C18orf63: variants seen among roughly 807,000 people sequenced by gnomAD.
C18orf63 encodes the protein chromosome 18 open reading frame 63, also known as uncharacterized protein C18orf63.
C18orf63 carries 50 observed loss-of-function variants against 75.3 expected under a neutral mutation model. The observed-to-expected ratio is 0.66, with a 90% CI of 0.53 to 0.84. The LOEUF is 0.84. Among genes scored for constraint, C18orf63 ranks in the 40% least tolerant of loss-of-function variants. The pLI, the probability that C18orf63 is intolerant of heterozygous loss-of-function variation, is 0.00. For missense variants in C18orf63, 732 were observed against 800.2 expected, an observed-to-expected ratio of 0.91 and a Z score of 1.03; for synonymous variants, 232 against 267.6, an observed-to-expected ratio of 0.87 and a Z score of 1.30.
chr18:74,339,653 C>T lies in C18orf63; in HGVS notation c.611+829C>T, dbSNP rs1984447417. On this transcript the variant is annotated intron_variant, in intron 8 of 13. Transcript: ENST00000579455. Reference sequence around the variant, plus strand: ...AGAAGTCCTAGCTAGAGCAGTTAGACAAGAGAAAGAAATAAAAGGCATCCA... The same window carrying T: ...AGAAGTCCTAGCTAGAGCAGTTAGATAAGAGAAAGAAATAAAAGGCATCCA... 2.6e-5 allele frequency among the ~76,000 whole-genome samples: 4 copies of T among 151,914 alleles called. No homozygotes were observed. The South Asian group carries it at 8.3e-4, about 32-fold the overall frequency.
chr18:74,328,212 G>A (rs368093474), intron 5 of C18orf63, among the ~76,000 whole-genome samples, 154 bp downstream of exon 5: 1 of 152,186 alleles, frequency 6.6e-6, no homozygotes, highest in African/African-American at 2.4e-5. Flanking sequence ...CACATGGCTG[G>A]AGAGGCCTCA....
At position 74,353,544 on chromosome 18, in the gene C18orf63, G is replaced by T; in HGVS notation, c.1277G>T (p.Ser426Ile). 6.5e-7 allele frequency: 1 copy of T among 1,536,570 alleles called. No individual in the cohort carries two copies. The highest frequency in any genetic ancestry group is 1.2e-5 in the South Asian group (1 of 84,056). Residue 426 changes from serine (S) to isoleucine (I), a missense_variant, in exon 12 of 14, where the codon AGC becomes ATC. Ser to Ile is a moderately radical substitution (Grantham distance 142, BLOSUM62 -2). Around this residue, in one of 3 missense-constraint regions of C18orf63, gnomAD observed 495 missense variants for 508.7 expected, o/e 0.97. Transcript: ENST00000579455. ...GNTQVQHTNL[S>I]SQSNITPKFV... is the part of the protein sequence containing the mutation. Reference sequence around the variant, plus strand: ...ACTCAAGTTCAGCACACAAATCTTAGCTCCCAAAGCAACATCACCCCTAAG... The same window carrying T: ...ACTCAAGTTCAGCACACAAATCTTATCTCCCAAAGCAACATCACCCCTAAG...
chr18:74,354,047 C>A lies in C18orf63; in HGVS notation c.1780C>A (p.Pro594Thr), dbSNP rs923985737. Residue 594 changes from proline (P) to threonine (T), a missense_variant, in exon 12 of 14, where the codon CCA becomes ACA. Pro to Thr is a conservative substitution (Grantham distance 38). Around this residue, in one of 3 missense-constraint regions of C18orf63, gnomAD observed 495 missense variants for 508.7 expected, o/e 0.97. Transcript: ENST00000579455. Reference sequence around the variant, plus strand: ...TGGGTCACTAAAACTGAAAAGACAGCCACACATTTTTGAATCAGATGGAGA... The same window carrying A: ...TGGGTCACTAAAACTGAAAAGACAGACACACATTTTTGAATCAGATGGAGA... ...SHGSLKLKRQ[P>T]HIFESDGETE... 7 of 1,536,132 alleles carry A rather than the reference C, an allele frequency of 4.6e-6. No individual in the cohort carries two copies. The African/African-American group carries it at 9.6e-5, about 21-fold the overall frequency.
Position 74,343,537 on chromosome 18 carries a change from C to T in C18orf63, c.813C>T (p.Ile271=). 2.0e-6 allele frequency: 3 copies of T among 1,529,892 alleles called. No homozygotes were observed. The South Asian group carries it at 3.6e-5, about 19-fold the overall frequency. 94.8% of individuals were successfully genotyped at this position (1,529,892 alleles called of 1,614,324 possible). A position where few individuals can be genotyped will look rare whatever the true frequency, so the allele number is the denominator to read the frequency against. ...ERTFTYPLSC[I]RSQPMQFFPR... ...TGTTCAGATATCCTCTCAGTTGCAT[C>T]AGAAGTCAGCCCATGCAGTTCTTTC... Residue 271 remains isoleucine (I), a synonymous_variant, in exon 11 of 14, where the codon ATC becomes ATT. Coordinates refer to ENST00000579455, the MANE Select transcript of C18orf63 (RefSeq NM_001174123.2).
In C18orf63 at chr18:74,358,494, G is replaced by A. The variant is rs1466740882; in HGVS notation, c.*2047G>A. 1 of 151,982 alleles carries A rather than the reference G, an allele frequency of 6.6e-6. No homozygotes were observed. Among genetic ancestry groups the A allele is most frequent in the Non-Finnish European group, 1.5e-5 (1 of 67,966 alleles). The allele number at this position is 151,982 out of a possible 1,614,324, so 9.4% of individuals were successfully genotyped here. A position where few individuals can be genotyped will look rare whatever the true frequency, so the allele number is the denominator to read the frequency against. On this transcript the variant is annotated 3_prime_UTR_variant, in exon 14 of 14. Coordinates refer to ENST00000579455, the MANE Select transcript of C18orf63 (RefSeq NM_001174123.2). ...ACCAGAGAAATCAATTAAGATTTTG[G>A]TTCATTTTAAACATTGCAATTTTTG...
intron 7 of C18orf63, 45 bp from the exon 8 acceptor site, chr18:74,338,670 T>C: frequency 1.2e-6 from 1 of 803,048 alleles, no homozygotes; most frequent in Non-Finnish European, 1.8e-6. Context: ...GTTTCCTTTT[T>C]TGCCAAATGA....
At chr18:74,332,031 G>A (rs1237798407) in intron 7 of C18orf63, among the ~76,000 whole-genome samples, 1 of 152,064 alleles carries the variant, frequency 6.6e-6, no homozygotes, top group African/African-American at 2.4e-5. Flanking sequence ...CCTTCCCAAG[G>A]TTCCAAACCG....
rs139847614 is a variant in C18orf63 at position 74,319,016 on chromosome 18, T to A, written c.134+1017T>A. 4.8e-4 allele frequency among the ~76,000 whole-genome samples: 73 copies of A among 152,290 alleles called. No individual in the cohort carries two copies. The East Asian group carries it at 0.012, about 24-fold the overall frequency. The stretch of plus-strand genomic sequence containing the variant: ...ACTTTTGGGGTGTCCTTCATTTTCG[T>A]CTTATTTACAAAGTTTTTCTTCTCT... On this transcript the variant is annotated intron_variant, in intron 2 of 13. Transcript: ENST00000579455.
Position 74,342,239 on chromosome 18 carries a change from A to C in C18orf63, c.709-2A>C. 2.0e-6 allele frequency: 3 copies of C among 1,519,006 alleles called. No individual in the cohort carries two copies. Among genetic ancestry groups the C allele is most frequent in the Non-Finnish European group, 2.7e-6 (3 of 1,131,690 alleles). The allele number at this position is 1,519,006 out of a possible 1,614,324, so 94.1% of individuals were successfully genotyped here. On this transcript the variant is annotated splice_acceptor_variant, in intron 9 of 13. Transcript: ENST00000579455. LOFTEE classifies it high-confidence loss of function. ...ATTTAAAATTTTGTGCTTAATTTTT[A>C]GTATGGCTATAAACTTCCAGGTGAT... is the stretch of plus-strand genomic sequence containing the variant.
intron 11 of C18orf63, among the ~76,000 whole-genome samples, chr18:74,345,086 T>C (rs1984550836): frequency 6.6e-6 from 1 of 152,148 alleles, no homozygotes; most frequent in Non-Finnish European, 1.5e-5. Flanking sequence ...TCAGCCCTTC[T>C]GATAGGTGTA....
intron 2 of C18orf63, among the ~76,000 whole-genome samples, chr18:74,318,868 T>A (rs1984072495): frequency 6.6e-6 from 1 of 151,666 alleles, no homozygotes; most frequent in African/African-American, 2.4e-5. Context: ...GACCCTCCTT[T>A]AAATTGTTTG....
rs143866816 is a variant in C18orf63, at chr18:74,338,789, T to C, written c.576T>C (p.His192=). The change falls in exon 8 of 14, where the codon CAT becomes CAC. Residue 192 remains histidine (H), a synonymous_variant. Transcript: ENST00000579455. ...ACAAGCATGCTGTCATTGAGAGACA[T>C]TCCATTTTAAGCAACTGGTGCTACG... ...HANKHAVIER[H]SILSNWCYVL... The C allele has an allele frequency of 0.011, 16,128 of 1,415,828 alleles. 113 individuals carry two copies. Among genetic ancestry groups the C allele is most frequent in the Middle Eastern group, 0.016 (86 of 5,524 alleles). 87.7% of individuals were successfully genotyped at this position (1,415,828 alleles called of 1,614,324 possible).
rs1052870293 is a variant in C18orf63, at chr18:74,317,848, ACACT to A, written c.-15_-12del. 2.6e-5 allele frequency: 39 copies of A among 1,515,028 alleles called. No individual in the cohort carries two copies. The East Asian group carries it at 7.9e-4, about 31-fold the overall frequency. 93.8% of individuals were successfully genotyped at this position (1,515,028 alleles called of 1,614,324 possible). A position where few individuals can be genotyped will look rare whatever the true frequency, so the allele number is the denominator to read the frequency against. On this transcript the variant is annotated 5_prime_UTR_variant, in exon 2 of 14. Transcript: ENST00000579455. ...TATTTTTAAAGGCCTGATTGCTGAGACACTCAGTCAGGAAAGTATGAATGATTCT... is the reference window on the plus strand; with the variant it reads ...TATTTTTAAAGGCCTGATTGCTGAGACAGTCAGGAAAGTATGAATGATTCT...
At chr18:74,330,025 T>C (rs1310996765) in intron 6 of C18orf63, among the ~76,000 whole-genome samples, 1 of 151,780 alleles carries the variant, frequency 6.6e-6, no homozygotes, top group Non-Finnish European at 1.5e-5. Flanking sequence ...GTTGTATGTT[T>C]AATTTGTGTA....
chr18:74,336,061 G>A (rs1984386406), intron 7 of C18orf63, among the ~76,000 whole-genome samples: 1 of 152,020 alleles, frequency 6.6e-6, no homozygotes, highest in African/African-American at 2.4e-5. Context: ...ATAGTACCTG[G>A]CAGTAGAGGT....
In C18orf63 at chr18:74,320,514, C is replaced by A; in HGVS notation, c.136C>A (p.Gln46Lys). The A allele has an allele frequency of 6.5e-7, 1 of 1,530,444 alleles. No individual in the cohort carries two copies. Among genetic ancestry groups the A allele is most frequent in the Non-Finnish European group, 8.8e-7 (1 of 1,142,840 alleles). 94.8% of individuals were successfully genotyped at this position (1,530,444 alleles called of 1,614,324 possible). Residue 46 changes from glutamine to lysine, a missense_variant and splice_region_variant, in exon 3 of 14, where the codon CAA (glutamine) becomes AAA (lysine). Coordinates refer to ENST00000579455, the MANE Select transcript of C18orf63 (RefSeq NM_001174123.2). The stretch of plus-strand genomic sequence containing the variant: ...TTGTAATATATTTCATCTCCACAGG[C>A]AATTGCTGTTTTTGCATCAAGATAT... The part of the protein sequence containing the change: ...IRTIQMKMCR[Q>K]LLFLHQDILT...
In C18orf63 at chr18:74,330,932, C is replaced by A; in HGVS notation, c.491C>A (p.Pro164Gln). The change falls in exon 7 of 14, where the codon CCA (proline) becomes CAA (glutamine). Residue 164 changes from proline to glutamine, a missense_variant. Physicochemically the swap from Pro to Gln is moderately conservative, Grantham distance 76. Transcript: ENST00000579455. ...LSIEACTIRL[P>Q]APELKEFEIS... Reference sequence around the variant, plus strand: ...ATAGAAGCTTGCACAATCAGACTGCCAGCACCTGAGGTACCATATATTGTG... The same window carrying A: ...ATAGAAGCTTGCACAATCAGACTGCAAGCACCTGAGGTACCATATATTGTG... 1 of 1,447,470 alleles carries A rather than the reference C, an allele frequency of 6.9e-7. No homozygotes were observed. Among genetic ancestry groups the A allele is most frequent in the Non-Finnish European group, 9.2e-7 (1 of 1,085,488 alleles). 89.7% of individuals were successfully genotyped at this position (1,447,470 alleles called of 1,614,324 possible). A position where few individuals can be genotyped will look rare whatever the true frequency, so the allele number is the denominator to read the frequency against.
chr18:74,324,039 A>C (rs1178196195), intron 4 of C18orf63, among the ~76,000 whole-genome samples: 1 of 152,256 alleles, frequency 6.6e-6, no homozygotes, highest in East Asian at 1.9e-4. Flanking sequence ...ACCCTGAATT[A>C]GAATAAGCTA....
chr18:74,335,678 C>T (rs1015241413), intron 7 of C18orf63, among the ~76,000 whole-genome samples: 23 of 151,956 alleles, frequency 1.5e-4, no homozygotes, highest in African/African-American at 4.1e-4. Flanking sequence ...ATGAGTGCCT[C>T]GAAACAAATT....
Sources: allele counts gnomAD v4.1 joint callset (sites outside exome capture counted in the v4.1 genomes callset), GRCh38; gene constraint gnomAD v4.1.1; regional missense constraint gnomAD v4.1.1; transcripts MANE v1.5; gene names NCBI Gene and HGNC (gene_info 2026-07-23, HGNC 2026-07-21).